TMEM108: variants seen among roughly 807,000 people sequenced by gnomAD.
TMEM108 encodes the protein transmembrane protein 108.
A neutral mutation model predicts 35.1 loss-of-function variants in TMEM108; 12 were observed. That is an observed-to-expected ratio of 0.34 (90% CI 0.22 to 0.55). The LOEUF (loss-of-function observed/expected upper bound fraction) is 0.55. Among genes scored for constraint, TMEM108 ranks in the 20% least tolerant of loss-of-function variants. TMEM108 has a pLI of 0.89. For missense variants in TMEM108, 680 were observed against 753.3 expected (o/e 0.90, Z 1.14); for synonymous variants, 287 against 308.6 (o/e 0.93, Z 0.73).
chr3:133,118,981 C>G (rs1944319361), intron 2 of TMEM108: 1 of 152,154 alleles, frequency 6.6e-6, no homozygotes, highest in African/African-American at 2.4e-5. Context: ...CCTGCCTTTC[C>G]TATGCCACAG....
At chr3:133,335,784 C>T (rs1428406924) in intron 3 of TMEM108, among the ~76,000 whole-genome samples, 2 of 152,132 alleles carry the variant, frequency 1.3e-5, no homozygotes, top group Admixed American at 6.5e-5. Flanking sequence ...ACCTTCATAT[C>T]GCTGAAAGAG....
intron 2 of TMEM108, among the ~76,000 whole-genome samples, chr3:133,076,799 G>T (rs2107693803): frequency 6.6e-6 from 1 of 152,356 alleles, no homozygotes; most frequent in Non-Finnish European, 1.5e-5. Context: ...GCCCGTCTTT[G>T]CCATGGGGCT....
At chr3:133,169,627 A>G (rs1223634408) in intron 2 of TMEM108, among the ~76,000 whole-genome samples, 2 of 152,208 alleles carry the variant, frequency 1.3e-5, no homozygotes, top group African/African-American at 4.8e-5. Context: ...CAAAGCTATC[A>G]TTTCCCATGT....
chr3:133,338,497 A>G (rs1559911443), intron 3 of TMEM108, among the ~76,000 whole-genome samples: 1 of 152,064 alleles, frequency 6.6e-6, no homozygotes, highest in African/African-American at 2.4e-5. Context: ...ACTTTCCCAG[A>G]CAAACAAAAG....
At chr3:133,068,665 T>G (rs1447469762) in intron 2 of TMEM108, among the ~76,000 whole-genome samples, 1 of 152,148 alleles carries the variant, frequency 6.6e-6, no homozygotes, top group African/African-American at 2.4e-5. Context: ...AGGATCATGA[T>G]CGAGTGATTT....
At chr3:133,263,093 T>G (rs1391176654) in intron 3 of TMEM108, among the ~76,000 whole-genome samples, 1 of 152,172 alleles carries the variant, frequency 6.6e-6, no homozygotes, top group Admixed American at 6.5e-5. Context: ...CCTGACCTAT[T>G]GAGAATGCCC....
In TMEM108 at chr3:133,044,440, A is replaced by G. The variant is rs144522860; in HGVS notation, c.-165-1462A>G. On this transcript the variant is annotated intron_variant, in intron 1 of 5. Coordinates refer to ENST00000321871, the MANE Select transcript of TMEM108 (RefSeq NM_023943.4). ...CTAATTGGGAATTTATTTATAATCA[A>G]TTAGTGCCAGGATAATAATTCTTTA... Among the ~76,000 whole-genome samples the G allele has an allele frequency of 1.2e-4, 19 of 152,356 alleles. No individual in the cohort carries two copies. The East Asian group carries it at 3.3e-3, about 26-fold the overall frequency.
chr3:133,090,013 G>T (rs1176270611), intron 2 of TMEM108, among the ~76,000 whole-genome samples: 1 of 152,178 alleles, frequency 6.6e-6, no homozygotes, highest in African/African-American at 2.4e-5. Flanking sequence ...TTGAACATAG[G>T]TTGTAGATTA....
chr3:133,265,536 A>G (rs1946685506), intron 3 of TMEM108, among the ~76,000 whole-genome samples: 1 of 152,142 alleles, frequency 6.6e-6, no homozygotes, highest in South Asian at 2.1e-4. Flanking sequence ...CAATGTGCTC[A>G]CATTTAATCC....
chr3:133,392,490 A>G (rs1291677875), intron 5 of TMEM108, among the ~76,000 whole-genome samples: 1 of 152,072 alleles, frequency 6.6e-6, no homozygotes, highest in Non-Finnish European at 1.5e-5. Context: ...ACTTAGTCCC[A>G]TGACTTAAAT....
chr3:133,121,150 T>C (rs1243587425), intron 2 of TMEM108, among the ~76,000 whole-genome samples: 1 of 152,210 alleles, frequency 6.6e-6, no homozygotes, highest in East Asian at 1.9e-4. Context: ...TCTTGGACTC[T>C]TCCCTCAGAA....
chr3:133,200,978 AG>A (rs1374668370), intron 2 of TMEM108, among the ~76,000 whole-genome samples: 3 of 152,222 alleles, frequency 2.0e-5, no homozygotes, highest in Non-Finnish European at 4.4e-5. Flanking sequence ...TCGCTTGGAC[AG>A]CACCCCTTAT....
At chr3:133,097,488 A>C (rs1463321418) in intron 2 of TMEM108, among the ~76,000 whole-genome samples, 1 of 152,206 alleles carries the variant, frequency 6.6e-6, no homozygotes, top group Non-Finnish European at 1.5e-5. Flanking sequence ...AAGTTGATTT[A>C]CAGTTACAGA....
intron 3 of TMEM108, among the ~76,000 whole-genome samples, chr3:133,304,198 G>A (rs1795109): frequency 0.97 from 146,956 of 152,270 alleles, 71,128 homozygotes; most frequent in East Asian, 1. Context: ...TCCCTCATGT[G>A]TATAATACGG....
chr3:133,248,130 G>A (rs147569602), intron 3 of TMEM108: 1 of 152,220 alleles, frequency 6.6e-6, no homozygotes, highest in East Asian at 1.9e-4. Context: ...GTTTGAATTA[G>A]TTCTGAACTT....
chr3:133,181,054 G>A (rs371656603), intron 2 of TMEM108, among the ~76,000 whole-genome samples: 5 of 122,384 alleles, frequency 4.1e-5, no homozygotes, highest in African/African-American at 8.9e-5. Flanking sequence ...CTCCCAAAGC[G>A]CTTGATTTAT....
At chr3:133,182,243 A>T (rs559059935) in intron 2 of TMEM108, among the ~76,000 whole-genome samples, 2 of 152,344 alleles carry the variant, frequency 1.3e-5, no homozygotes, top group East Asian at 3.9e-4. Context: ...AGGAAGGTTA[A>T]CTTTTCCCTT....
At chr3:133,350,202 A>G (rs1201558791) in intron 3 of TMEM108, among the ~76,000 whole-genome samples, 1 of 152,046 alleles carries the variant, frequency 6.6e-6, no homozygotes, top group Non-Finnish European at 1.5e-5. Context: ...TGATCTCACC[A>G]CTCATATGTG....
intron 2 of TMEM108, among the ~76,000 whole-genome samples, chr3:133,087,895 G>A (rs1490247247): frequency 1.3e-5 from 2 of 152,060 alleles, no homozygotes; most frequent in Non-Finnish European, 2.9e-5. Flanking sequence ...CATTAGAGTC[G>A]AGGCCCAACT....
Sources: allele counts gnomAD v4.1 joint callset (sites outside exome capture counted in the v4.1 genomes callset), GRCh38; gene constraint gnomAD v4.1.1; transcripts MANE v1.5; gene names NCBI Gene and HGNC (gene_info 2026-07-23, HGNC 2026-07-21).